The following SLIT2 variants were observed in gnomAD, a reference collection of about 807,000 sequenced individuals.
The protein encoded by SLIT2 is slit homolog 2 protein.
In SLIT2, 41 loss-of-function variants were observed where a neutral mutation model predicts 185.7. The ratio of observed to expected loss-of-function variants is 0.22; its 90% CI spans 0.17 to 0.29. The LOEUF (loss-of-function observed/expected upper bound fraction) is 0.29. Ranked by LOEUF, SLIT2 falls within the 10% of genes least tolerant of loss-of-function variation. The pLI, the probability that SLIT2 is intolerant of heterozygous loss-of-function variation, is 1.00. For synonymous variants in SLIT2, 693 were observed against 680.2 expected, an observed-to-expected ratio of 1.02 and a Z score of -0.29; for missense variants, 1,571 against 1,909.0, an observed-to-expected ratio of 0.82 and a Z score of 3.30.
intron 4 of SLIT2, among the ~76,000 whole-genome samples, chr4:20,288,959 A>G (rs1274449635): frequency 6.6e-6 from 1 of 152,218 alleles, no homozygotes; most frequent in Non-Finnish European, 1.5e-5. Context: ...AATTGAATTG[A>G]ACCAACTTAG....
At chr4:20,390,357 A>C (rs1318971425) in intron 4 of SLIT2, among the ~76,000 whole-genome samples, 1 of 152,150 alleles carries the variant, frequency 6.6e-6, no homozygotes, top group East Asian at 1.9e-4. Flanking sequence ...AATTACAAAC[A>C]TGCGTGAGGC....
intron 4 of SLIT2, among the ~76,000 whole-genome samples, chr4:20,315,394 G>A (rs898763604): frequency 3.3e-5 from 5 of 152,116 alleles, no homozygotes; most frequent in South Asian, 2.1e-4. Context: ...TACCATTGAC[G>A]TAGATGATAG....
At chr4:20,354,488 A>G (rs1012144462) in intron 4 of SLIT2, among the ~76,000 whole-genome samples, 3 of 152,156 alleles carry the variant, frequency 2.0e-5, no homozygotes, top group African/African-American at 7.2e-5. Context: ...TTCTCATCCA[A>G]CTGTGCAATC....
intron 30 of SLIT2, among the ~76,000 whole-genome samples, chr4:20,591,288 T>C (rs1273618297): frequency 1.3e-5 from 2 of 152,316 alleles, no homozygotes; most frequent in Admixed American, 6.5e-5. Flanking sequence ...CTAAGATATT[T>C]GTACTTACCG....
intron 4 of SLIT2, among the ~76,000 whole-genome samples, chr4:20,417,412 G>T (rs1056192825): frequency 7.3e-6 from 1 of 136,754 alleles, no homozygotes. Context: ...CCTGCTTCCC[G>T]CAATCATATA....
chr4:20,466,621 C>G (rs944206331), intron 4 of SLIT2, among the ~76,000 whole-genome samples: 4 of 152,192 alleles, frequency 2.6e-5, no homozygotes, highest in African/African-American at 9.7e-5. Flanking sequence ...GGTTCTCTCT[C>G]TCTCTGTTGC....
intron 21 of SLIT2, among the ~76,000 whole-genome samples, 188 bp downstream of exon 21, chr4:20,542,814 G>C (rs1044153594): frequency 4.7e-5 from 2 of 42,694 alleles, no homozygotes; most frequent in African/African-American, 1.4e-4. Flanking sequence ...GGGAATTGCT[G>C]TGTGTGTGTG....
chr4:20,550,920 A>G (rs755298026), intron 25 of SLIT2, 22 bp downstream of exon 25: 1 of 1,443,714 alleles, frequency 6.9e-7, no homozygotes, highest in Middle Eastern at 1.7e-4. Context: ...GTTTATGAAT[A>G]TAGGTTTAGG....
At chr4:20,307,156 CTCCCTCCTTCCTTCCTTCCT>C (rs1483957197) in intron 4 of SLIT2, among the ~76,000 whole-genome samples, 1 of 15,454 alleles carries the variant, frequency 6.5e-5, no homozygotes, top group African/African-American at 1.6e-4. Context: ...CCCTCCCTCC[CTCCCTCCTTCCTTCCTTCCT>C]TCCTTCCTTC....
intron 11 of SLIT2, among the ~76,000 whole-genome samples, chr4:20,515,432 A>G (rs1024654561): frequency 6.6e-6 from 1 of 152,018 alleles, no homozygotes; most frequent in Non-Finnish European, 1.5e-5. Context: ...CACTTACTCT[A>G]ATTTCCTTAT....
At chr4:20,367,914 C>T (rs887987173) in intron 4 of SLIT2, among the ~76,000 whole-genome samples, 1 of 152,124 alleles carries the variant, frequency 6.6e-6, no homozygotes, top group African/African-American at 2.4e-5. Flanking sequence ...GGGCTCATTT[C>T]AGTCAGCCTT....
intron 5 of SLIT2, among the ~76,000 whole-genome samples, chr4:20,476,108 G>A (rs979420349): frequency 2.6e-5 from 4 of 152,056 alleles, no homozygotes; most frequent in African/African-American, 9.7e-5. Context: ...TTATGTCAAG[G>A]ATGTACATGT....
At chr4:20,558,386 G>A (rs756654175) in intron 26 of SLIT2, among the ~76,000 whole-genome samples, 2 of 151,962 alleles carry the variant, frequency 1.3e-5, no homozygotes, top group Non-Finnish European at 2.9e-5. Flanking sequence ...AGACAACCTT[G>A]GCTAGCAGAA....
intron 4 of SLIT2, among the ~76,000 whole-genome samples, chr4:20,331,149 A>G (rs1270301493): frequency 6.6e-6 from 1 of 152,134 alleles, no homozygotes; most frequent in South Asian, 2.1e-4. Context: ...CTCTTTTATG[A>G]TACTAGACAT....
intron 28 of SLIT2, among the ~76,000 whole-genome samples, chr4:20,568,383 G>C (rs1725280138): frequency 6.6e-6 from 1 of 151,742 alleles, no homozygotes; most frequent in Non-Finnish European, 1.5e-5. Flanking sequence ...TTTTGTAATT[G>C]CAAGGAAGAC....
chr4:20,345,800 C>T (rs530725825), intron 4 of SLIT2, among the ~76,000 whole-genome samples: 5 of 152,132 alleles, frequency 3.3e-5, no homozygotes, highest in Admixed American at 3.3e-4. Context: ...TCCCAAAGTG[C>T]TGGGATTACA....
chr4:20,507,324 A>C (rs987399522), intron 9 of SLIT2, among the ~76,000 whole-genome samples: 3 of 151,986 alleles, frequency 2.0e-5, no homozygotes, highest in African/African-American at 7.2e-5. Context: ...GTCATTAGAA[A>C]AATTAGTGAT....
At chr4:20,295,125 T>C (rs1716335556) in intron 4 of SLIT2, among the ~76,000 whole-genome samples, 1 of 152,320 alleles carries the variant, frequency 6.6e-6, no homozygotes, top group East Asian at 1.9e-4. Flanking sequence ...AGGACTTCAC[T>C]GTTGGGAAGA....
chr4:20,558,343 C>G (rs1724432156), intron 26 of SLIT2, among the ~76,000 whole-genome samples: 2 of 151,948 alleles, frequency 1.3e-5, no homozygotes, highest in African/African-American at 2.4e-5. Context: ...CAACCATTAC[C>G]CTGATCAGTC....
Sources: allele counts gnomAD v4.1 joint callset (sites outside exome capture counted in the v4.1 genomes callset), GRCh38; gene constraint gnomAD v4.1.1; transcripts MANE v1.5; gene names NCBI Gene and HGNC (gene_info 2026-07-23, HGNC 2026-07-21).